Variants in NXPE4 observed in about 807,000 individuals in gnomAD.
NXPE4 encodes the protein NXPE family member 4.
Under a neutral mutation model 33.3 loss-of-function variants are expected in NXPE4, and 42 were observed. The ratio of observed to expected loss-of-function variants is 1.26; its 90% confidence interval spans 0.98 to 1.63. The LOEUF (loss-of-function observed/expected upper bound fraction) is 1.63. Ranked by LOEUF, NXPE4 falls within the 40% of genes most tolerant of loss-of-function variation. The pLI, the probability that NXPE4 is intolerant of heterozygous loss-of-function variation, is 0.00. For synonymous variants in NXPE4, 253 were observed against 234.9 expected (o/e 1.08, Z -0.71); for missense variants, 709 against 647.6 (o/e 1.09, Z -1.03).
chr11:114,591,520 A>G (rs573425998), intron 2 of NXPE4, among the ~76,000 whole-genome samples: 4 of 152,242 alleles, frequency 2.6e-5, no homozygotes, highest in South Asian at 2.1e-4. Context: ...GCCTCATGAC[A>G]TCAACTTGAA....
At chr11:114,619,822 A>G in the NXPE4 span, among the ~76,000 whole-genome samples, 1 of 151,318 alleles carries the variant, frequency 6.6e-6, no homozygotes, top group Non-Finnish European at 1.5e-5. Flanking sequence ...CCAGTTTATA[A>G]TAAGTGTTGC....
the NXPE4 span, among the ~76,000 whole-genome samples, chr11:114,630,602 C>A: frequency 6.6e-6 from 1 of 151,486 alleles, no homozygotes; most frequent in South Asian, 2.1e-4. Flanking sequence ...CCATTCAGGA[C>A]ATAGGCATGG....
intron 2 of NXPE4, chr11:114,584,228 C>T (rs1949228993): frequency 2.4e-6 from 1 of 420,414 alleles, no homozygotes; most frequent in African/African-American, 2.1e-5. Context: ...ATGGAGATCC[C>T]TAATGAGCCT....
intron 2 of NXPE4, 139 bp downstream of exon 2, chr11:114,594,525 C>G: frequency 1.6e-6 from 1 of 637,390 alleles, no homozygotes; most frequent in South Asian, 1.7e-5. Context: ...TAATGATTAT[C>G]AGGTATGTTG....
chr11:114,654,817 T>C, the NXPE4 span, among the ~76,000 whole-genome samples: 2 of 152,194 alleles, frequency 1.3e-5, no homozygotes, highest in African/African-American at 2.4e-5. Context: ...ATGATTTATT[T>C]TCCTTTGGAT....
At chr11:114,602,472 T>C in the NXPE4 span, among the ~76,000 whole-genome samples, 1 of 135,902 alleles carries the variant, frequency 7.4e-6, no homozygotes, top group Non-Finnish European at 1.5e-5. Flanking sequence ...ATATAAATTA[T>C]AGATTATATA....
At chr11:114,608,141 T>C in the NXPE4 span, among the ~76,000 whole-genome samples, 57 of 151,676 alleles carry the variant, frequency 3.8e-4, 1 homozygote, top group Admixed American at 3.5e-3. Context: ...TATTGCCTCA[T>C]GGGTAACCAG....
chr11:114,628,965 A>G, the NXPE4 span, among the ~76,000 whole-genome samples: 3 of 152,214 alleles, frequency 2.0e-5, no homozygotes, highest in Admixed American at 2.0e-4. Flanking sequence ...TCCCAAGACT[A>G]AACAAGGAAG....
the NXPE4 span, among the ~76,000 whole-genome samples, chr11:114,632,326 G>A: frequency 4.6e-5 from 6 of 131,226 alleles, no homozygotes; most frequent in Non-Finnish European, 9.4e-5. Flanking sequence ...ATTATCCACT[G>A]GGTAACATAA....
chr11:114,668,788 T>A, the NXPE4 span, among the ~76,000 whole-genome samples: 2 of 152,092 alleles, frequency 1.3e-5, no homozygotes. Flanking sequence ...ATTTTTGGAA[T>A]GGTGAAATAA....
chr11:114,636,828 C>T, the NXPE4 span, among the ~76,000 whole-genome samples: 1 of 152,036 alleles, frequency 6.6e-6, no homozygotes, highest in Non-Finnish European at 1.5e-5. Flanking sequence ...GTCTGAGAGA[C>T]AGTTTGTTAT....
the NXPE4 span, among the ~76,000 whole-genome samples, chr11:114,610,026 G>A: frequency 3.3e-5 from 5 of 151,232 alleles, no homozygotes; most frequent in African/African-American, 4.9e-5. Context: ...ATGTTGCCTC[G>A]TGGGTAGGCA....
chr11:114,580,394 T>C (rs1195480490), intron 4 of NXPE4, 56 bp from the exon 5 acceptor site: 2 of 1,490,240 alleles, frequency 1.3e-6, no homozygotes, highest in Non-Finnish European at 1.9e-6. Flanking sequence ...CCCGTCAGTA[T>C]GTATTAAGAG....
the NXPE4 span, among the ~76,000 whole-genome samples, chr11:114,653,550 T>G: frequency 1.9e-4 from 28 of 150,838 alleles, no homozygotes; most frequent in Non-Finnish European, 3.8e-4. Context: ...TTTTTTTTTT[T>G]TTTTAGACAG....
chr11:114,632,987 T>C, the NXPE4 span, among the ~76,000 whole-genome samples: 1 of 104,274 alleles, frequency 9.6e-6, no homozygotes, highest in Non-Finnish European at 1.7e-5. Flanking sequence ...TATATATTTT[T>C]ATATAATATA....
intron 2 of NXPE4, chr11:114,584,632 A>G (rs774961301): frequency 1.3e-5 from 2 of 157,000 alleles, no homozygotes; most frequent in Non-Finnish European, 2.8e-5. Context: ...GTCACAGAAG[A>G]GGAGAAAAAT....
chr11:114,581,633 G>A, intron 4 of NXPE4, 92 bp downstream of exon 4: 1 of 1,011,492 alleles, frequency 9.9e-7, no homozygotes, highest in East Asian at 2.5e-5. Context: ...AGTGCTGATA[G>A]GACTGAAACA....
At chr11:114,641,057 A>G in the NXPE4 span, among the ~76,000 whole-genome samples, 1 of 146,536 alleles carries the variant, frequency 6.8e-6, no homozygotes, top group Non-Finnish European at 1.5e-5. Flanking sequence ...CATCAGAAAG[A>G]AGAACCAGTT....
At chr11:114,590,343 C>A (rs1385309139) in intron 2 of NXPE4, among the ~76,000 whole-genome samples, 2 of 152,130 alleles carry the variant, frequency 1.3e-5, no homozygotes, top group East Asian at 1.9e-4. Context: ...TCTGAAAGGA[C>A]CAGAGCATTA....
Sources: gnomAD v4.1 joint callset for allele counts (sites outside exome capture counted in the v4.1 genomes callset) on GRCh38, gnomAD v4.1.1 for gene constraint, MANE v1.5 for transcripts, NCBI Gene and HGNC (gene_info 2026-07-23, HGNC 2026-07-21) for gene names.